ARAP2: variants seen among roughly 807,000 people sequenced by gnomAD.
ARAP2 encodes arf-GAP with Rho-GAP domain, ANK repeat and PH domain-containing protein 2.
A neutral mutation model predicts 194.5 loss-of-function variants in ARAP2; 148 were observed. That is an observed-to-expected ratio of 0.76 (90% CI 0.67 to 0.87). The LOEUF (loss-of-function observed/expected upper bound fraction) is 0.87, where lower values mean the gene tolerates loss of function less well. ARAP2 is among the 40% of genes least tolerant of loss of function. The pLI is 0.00. For missense variants in ARAP2, 2,128 were observed against 1,989.7 expected (o/e 1.07, Z -1.32); for synonymous variants, 695 against 683.5 (o/e 1.02, Z -0.26).
chr4:36,076,584 T>C (rs1391027770), intron 31 of ARAP2, among the ~76,000 whole-genome samples: 1 of 151,894 alleles, frequency 6.6e-6, no homozygotes, highest in East Asian at 1.9e-4. Flanking sequence ...CCAGGGCTTA[T>C]TCCTCCATTC....
rs970898270 is a variant in ARAP2 at position 36,107,689 on chromosome 4, A to G, written c.4161T>C (p.Arg1387=). Residue 1387 remains arginine (R), a synonymous_variant, in exon 27 of 33, where the codon CGT becomes CGC. Transcript: ENST00000303965. ...FEVIENEELE[R]PLHYKENVLE... Reference sequence around the variant, plus strand: ...GTACATTTTCCTTGTAGTGAAGAGGACGCTCTGTAAAAAATAAATTCCAAA... The same window carrying G: ...GTACATTTTCCTTGTAGTGAAGAGGGCGCTCTGTAAAAAATAAATTCCAAA... The G allele has an allele frequency of 1.9e-6, 3 of 1,592,010 alleles. No homozygotes were observed. The African/African-American group carries it at 4.1e-5, about 22-fold the overall frequency.
intron 9 of ARAP2, among the ~76,000 whole-genome samples, chr4:36,175,903 G>C (rs1056451077): frequency 1.3e-5 from 2 of 151,942 alleles, no homozygotes; most frequent in African/African-American, 4.8e-5. Flanking sequence ...ATATATTCTG[G>C]TCTTGTTTGA....
At chr4:36,068,323 C>T (rs1442212864) in intron 32 of ARAP2, 45 bp from the exon 33 acceptor site, 3 of 1,494,126 alleles carry the variant, frequency 2.0e-6, no homozygotes, top group Admixed American at 2.4e-5. Flanking sequence ...AGATTTGGCA[C>T]AATTTAGGTT....
chr4:36,199,908 C>T (rs1413261822), intron 6 of ARAP2, among the ~76,000 whole-genome samples: 3 of 152,082 alleles, frequency 2.0e-5, no homozygotes, highest in Non-Finnish European at 2.9e-5. Context: ...AATTATTTCA[C>T]AATATATAGG....
chr4:36,206,520 C>A (rs998223244), intron 6 of ARAP2, among the ~76,000 whole-genome samples: 6 of 152,182 alleles, frequency 3.9e-5, no homozygotes, highest in Non-Finnish European at 7.3e-5. Context: ...CCTAAAAATG[C>A]CAGTTAAAAT....
At chr4:36,082,347 A>C in intron 29 of ARAP2, 61 bp from the exon 30 acceptor site, 4 of 1,498,328 alleles carry the variant, frequency 2.7e-6, no homozygotes, top group Non-Finnish European at 3.6e-6. Context: ...ACAAGACAGA[A>C]AACAGGATTA....
Position 36,167,066 on chromosome 4 carries a change from T to C in ARAP2, c.1858-19A>G, listed in dbSNP as rs757231963. 2.3e-6 allele frequency: 3 copies of C among 1,309,868 alleles called. No homozygotes were observed. Among genetic ancestry groups the C allele is most frequent in the Non-Finnish European group, 3.2e-6 (3 of 947,930 alleles). The allele number at this position is 1,309,868 out of a possible 1,614,324, so 81.1% of individuals were successfully genotyped here. ...TAAAATCCTAGTTTGGAGAAAAACA[T>C]AAAAAACTATAAAGAAACAAAAAAA... On this transcript the variant is annotated intron_variant, in intron 9 of 32. Coordinates refer to ENST00000303965, the MANE Select transcript of ARAP2 (RefSeq NM_015230.4).
chr4:36,124,981 A>T lies in ARAP2; in HGVS notation c.3641-14T>A, dbSNP rs778888362. ...CATCTTGCGTATCTGAAGGGGAAAA[A>T]AAAACAATCTTGAGATCTAAACTAA... On this transcript the variant is annotated splice_polypyrimidine_tract_variant and intron_variant, in intron 21 of 32. Coordinates refer to ENST00000303965, the MANE Select transcript of ARAP2 (RefSeq NM_015230.4). 3 of 1,526,854 alleles carry T rather than the reference A, an allele frequency of 2.0e-6. No homozygotes were observed. Among genetic ancestry groups the T allele is most frequent in the Non-Finnish European group, 2.7e-6 (3 of 1,103,836 alleles). 94.6% of individuals were successfully genotyped at this position (1,526,854 alleles called of 1,614,324 possible).
intron 12 of ARAP2, among the ~76,000 whole-genome samples, chr4:36,160,845 A>C (rs1733735607): frequency 6.6e-6 from 1 of 152,206 alleles, no homozygotes; most frequent in Non-Finnish European, 1.5e-5. Flanking sequence ...CACTCTAAAT[A>C]ATGGAGAAAA....
At chr4:36,136,810 TGTGTGTGTGC>T (rs1466087363) in intron 19 of ARAP2, among the ~76,000 whole-genome samples, 3 of 129,596 alleles carry the variant, frequency 2.3e-5, no homozygotes, top group Admixed American at 8.3e-5. Flanking sequence ...TGTGTGTGTG[TGTGTGTGTGC>T]GTGTCTGTGT....
chr4:36,014,364 A>AAG (rs1715373632), intron 8 of ARAP2, among the ~76,000 whole-genome samples: 1 of 141,166 alleles, frequency 7.1e-6, no homozygotes, highest in African/African-American at 3.1e-5. Flanking sequence ...GAAAGAAAGA[A>AAG]AGAAAGAAAG....
chr4:36,210,301 G>T, intron 6 of ARAP2, 89 bp downstream of exon 6: 2 of 1,212,254 alleles, frequency 1.6e-6, no homozygotes, highest in South Asian at 1.6e-5. Context: ...GCGGTGGAGT[G>T]GGGGAACAGC....
intron 27 of ARAP2, among the ~76,000 whole-genome samples, chr4:36,094,392 CT>C (rs1345200174): frequency 6.6e-6 from 1 of 152,068 alleles, no homozygotes; most frequent in Non-Finnish European, 1.5e-5. Context: ...AACTCTAGGC[CT>C]TTTACGGAAA....
At chr4:36,173,449 A>T (rs535802693) in intron 9 of ARAP2, among the ~76,000 whole-genome samples, 1 of 152,280 alleles carries the variant, frequency 6.6e-6, no homozygotes, top group Admixed American at 6.5e-5. Context: ...AAGCTCTATC[A>T]GCTTTGAACA....
At chr4:36,198,340 T>C (rs912238857) in intron 6 of ARAP2, among the ~76,000 whole-genome samples, 3 of 152,282 alleles carry the variant, frequency 2.0e-5, no homozygotes, top group African/African-American at 7.2e-5. Context: ...TGGGCAGTCA[T>C]AGGCAGACCC....
At chr4:36,075,268 TCTC>T (rs1221237799) in intron 31 of ARAP2, among the ~76,000 whole-genome samples, 1 of 152,106 alleles carries the variant, frequency 6.6e-6, no homozygotes. Flanking sequence ...AATCCATATT[TCTC>T]TTTTTCTGAA....
chr4:36,010,934 T>G (rs1398693621), intron 9 of ARAP2, among the ~76,000 whole-genome samples: 2 of 152,168 alleles, frequency 1.3e-5, no homozygotes. Flanking sequence ...TTATCAAACT[T>G]TTGTATAATT....
intron 1 of ARAP2, among the ~76,000 whole-genome samples, chr4:36,059,962 G>T (rs76523770): frequency 0.045 from 6,882 of 152,168 alleles, 211 homozygotes; most frequent in Middle Eastern, 0.12. Context: ...AGAGAAGGCA[G>T]CAAGTTAGAC....
chr4:36,017,835 C>A (rs7675286), intron 6 of ARAP2, among the ~76,000 whole-genome samples: 43,476 of 151,536 alleles, frequency 0.29, 7,329 homozygotes, highest in African/African-American at 0.48. Context: ...AACAGAGTGA[C>A]AAGAAGAAAG....
Sources: allele counts gnomAD v4.1 joint callset (sites outside exome capture counted in the v4.1 genomes callset), GRCh38; gene constraint gnomAD v4.1.1; transcripts MANE v1.5; gene names NCBI Gene and HGNC (gene_info 2026-07-23, HGNC 2026-07-21).